USP32: variants seen among roughly 807,000 people sequenced by gnomAD.
The protein encoded by USP32 is ubiquitin carboxyl-terminal hydrolase 32.
Under a neutral mutation model 204.8 loss-of-function variants are expected in USP32, and 59 were observed. The ratio of observed to expected loss-of-function variants is 0.29; its 90% CI spans 0.23 to 0.36. The LOEUF (loss-of-function observed/expected upper bound fraction) is 0.36. Ranked by LOEUF, USP32 falls within the 10% of genes least tolerant of loss-of-function variation. USP32 has a pLI of 1.00. For synonymous variants in USP32, 517 were observed against 678.4 expected, an observed-to-expected ratio of 0.76 and a Z score of 3.70; for missense variants, 1,160 against 1,946.4, an observed-to-expected ratio of 0.60 and a Z score of 7.60.
intron 2 of USP32, among the ~76,000 whole-genome samples, chr17:60,305,941 T>G (rs904491030): frequency 6.6e-6 from 1 of 152,196 alleles, no homozygotes; most frequent in Non-Finnish European, 1.5e-5. Context: ...TCCAGTTCAT[T>G]TGACAAATGA....
chr17:60,421,960 T>C, intron 1 of USP32: 8 of 985,208 alleles, frequency 8.1e-6, no homozygotes, highest in Non-Finnish European at 9.6e-6. Flanking sequence ...ACAGAGCCCG[T>C]AGGCACTGGC....
At chr17:60,217,161 T>C (rs569056740) in intron 16 of USP32, among the ~76,000 whole-genome samples, 18 of 152,364 alleles carry the variant, frequency 1.2e-4, no homozygotes, top group Non-Finnish European at 2.2e-4. Flanking sequence ...TTACTATACA[T>C]ACTTTTGTGC....
chr17:60,210,907 A>G, intron 21 of USP32, 106 bp downstream of exon 21: 1 of 1,445,318 alleles, frequency 6.9e-7, no homozygotes, highest in Non-Finnish European at 9.1e-7. Context: ...TGAAGGATCC[A>G]AAAACATTTA....
chr17:60,181,195 C>T lies in USP32; in HGVS notation c.4548+129G>A. The T allele has an allele frequency of 8.8e-6, 11 of 1,255,114 alleles. No homozygotes were observed. In the South Asian group the frequency reaches 1.7e-4, roughly 19 times the overall value. 77.7% of individuals were successfully genotyped at this position (1,255,114 alleles called of 1,614,324 possible). A position where few individuals can be genotyped will look rare whatever the true frequency, so the allele number is the denominator to read the frequency against. On this transcript the variant is annotated intron_variant, in intron 32 of 33. Coordinates refer to ENST00000300896, the MANE Select transcript of USP32 (RefSeq NM_032582.4). ...GGGCAGGCCAAGATTTCTGTGTTAA[C>T]TTTGTCTATCACTAAGCTCAATGCT...
chr17:60,193,514 C>G (rs1179594806), intron 27 of USP32, among the ~76,000 whole-genome samples: 2 of 152,114 alleles, frequency 1.3e-5, no homozygotes, highest in African/African-American at 4.8e-5. Flanking sequence ...CATCCTTGCC[C>G]TAACAAGGAG....
intron 2 of USP32, among the ~76,000 whole-genome samples, chr17:60,326,765 G>T (rs368695718): frequency 6.6e-6 from 1 of 152,134 alleles, no homozygotes; most frequent in African/African-American, 2.4e-5. Context: ...TCCCCCCAAA[G>T]AGACTTACTA....
At chr17:60,297,894 C>T (rs904502759) in intron 3 of USP32, among the ~76,000 whole-genome samples, 6 of 152,254 alleles carry the variant, frequency 3.9e-5, no homozygotes, top group East Asian at 1.9e-4. Flanking sequence ...TTCCACAAGC[C>T]GTAACTACAG....
rs371145376 is a variant in USP32 at position 60,288,611 on chromosome 17, T to C, written c.483A>G (p.Arg161=). ...CATACACACCTCCAGATAGAAGCCA[T>C]CGAGAGAAAGTAAAAGCATCTTTGT... is the stretch of plus-strand genomic sequence containing the variant. ...FLNKDAFTFS[R]WLLSGGVYVT... is the part of the protein sequence containing the mutation. Residue 161 remains arginine (R), a synonymous_variant, in exon 5 of 34, where the codon CGA becomes CGG. Coordinates refer to ENST00000300896, the MANE Select transcript of USP32 (RefSeq NM_032582.4). 6.2e-7 allele frequency: 1 copy of C among 1,613,608 alleles called. No homozygotes were observed. Among genetic ancestry groups the C allele is most frequent in the African/African-American group, 1.3e-5 (1 of 74,870 alleles).
Position 60,231,586 on chromosome 17 carries a change from C to T in USP32, c.1239+4552G>A, listed in dbSNP as rs1198605127. The T allele has an allele frequency of 7.3e-5, 38 of 518,338 alleles. No individual in the cohort carries two copies. In the Admixed American group the frequency reaches 7.4e-4, roughly 10 times the overall value. The allele number at this position is 518,338 out of a possible 1,614,324, so 32.1% of individuals were successfully genotyped here. ...CTGACGACGATCCTCGAGGGCTGCT[C>T]TTGGCCTCCAGCCTTGGCTAAGGAG... On this transcript the variant is annotated intron_variant, in intron 12 of 33. Coordinates refer to ENST00000300896, the MANE Select transcript of USP32 (RefSeq NM_032582.4).
chr17:60,392,079 C>T lies in USP32; in HGVS notation c.-140G>A. Reference sequence around the variant, plus strand: ...CCTCCCCCCACACTAACAAGTGCGGCTTCTGCCCCGGCGGCTCCTCCCGGT... The same window carrying T: ...CCTCCCCCCACACTAACAAGTGCGGTTTCTGCCCCGGCGGCTCCTCCCGGT... On this transcript the variant is annotated 5_prime_UTR_variant, in exon 1 of 34. Transcript: ENST00000300896. 1.0e-6 allele frequency: 1 copy of T among 954,084 alleles called. No homozygotes were observed. The highest frequency in any genetic ancestry group is 1.5e-6 in the Non-Finnish European group (1 of 669,430). 59.1% of individuals were successfully genotyped at this position (954,084 alleles called of 1,614,324 possible).
At chr17:60,203,392 CT>C (rs947319148) in intron 26 of USP32, among the ~76,000 whole-genome samples, 1 of 84,206 alleles carries the variant, frequency 1.2e-5, no homozygotes, top group Non-Finnish European at 2.0e-5. Context: ...CAGAGCGAGA[CT>C]GTCAAAAAAA....
chr17:60,365,983 T>C (rs1411734437), intron 1 of USP32, among the ~76,000 whole-genome samples: 1 of 152,144 alleles, frequency 6.6e-6, no homozygotes, highest in African/African-American at 2.4e-5. Context: ...CTTGTTGTTG[T>C]TGTTGTTTTT....
chr17:60,192,740 C>A, intron 28 of USP32, 104 bp downstream of exon 28: 1 of 1,402,636 alleles, frequency 7.1e-7, no homozygotes, highest in Non-Finnish European at 9.8e-7. Context: ...TCTTAAGTTT[C>A]TCATTATTCA....
At chr17:60,297,553 A>G (rs2087464716) in intron 3 of USP32, among the ~76,000 whole-genome samples, 1 of 151,718 alleles carries the variant, frequency 6.6e-6, no homozygotes, top group African/African-American at 2.4e-5. Context: ...GATTCAAGCA[A>G]TTCTCCTGTC....
chr17:60,306,900 A>C (rs2087737819), intron 2 of USP32, among the ~76,000 whole-genome samples: 1 of 152,190 alleles, frequency 6.6e-6, no homozygotes, highest in Non-Finnish European at 1.5e-5. Context: ...AACAATCTAA[A>C]AAAGAAATCC....
intron 1 of USP32, among the ~76,000 whole-genome samples, chr17:60,410,949 C>T (rs2090013299): frequency 6.6e-6 from 1 of 150,864 alleles, no homozygotes; most frequent in Non-Finnish European, 1.5e-5. Flanking sequence ...CATGGTGGCA[C>T]GTGCCTGTAG....
At chr17:60,378,968 C>T (rs1405770010) in intron 1 of USP32, among the ~76,000 whole-genome samples, 1 of 151,702 alleles carries the variant, frequency 6.6e-6, no homozygotes, top group Non-Finnish European at 1.5e-5. Context: ...ATTGGCAAAG[C>T]CAGGAGAAGG....
At chr17:60,337,172 A>AT (rs2088543331) in intron 2 of USP32, among the ~76,000 whole-genome samples, 1 of 152,224 alleles carries the variant, frequency 6.6e-6, no homozygotes, top group Admixed American at 6.5e-5. Flanking sequence ...TCTGGTAAAT[A>AT]TGCAGGCCCC....
chr17:60,299,614 T>C (rs2087523601), intron 3 of USP32, among the ~76,000 whole-genome samples: 1 of 152,172 alleles, frequency 6.6e-6, no homozygotes, highest in Non-Finnish European at 1.5e-5. Flanking sequence ...GGGGATTAAG[T>C]TTCCACACAT....
Sources: gnomAD v4.1 joint callset for allele counts (sites outside exome capture counted in the v4.1 genomes callset) on GRCh38, gnomAD v4.1.1 for gene constraint, MANE v1.5 for transcripts, NCBI Gene and HGNC (gene_info 2026-07-23, HGNC 2026-07-21) for gene names.